The following FGGY variants were observed in gnomAD, a reference collection of about 807,000 sequenced individuals.
The protein encoded by FGGY is FGGY carbohydrate kinase domain containing, also known as FGGY carbohydrate kinase domain-containing protein.
A neutral mutation model predicts 71.3 loss-of-function variants in FGGY; 72 were observed. That is an observed-to-expected ratio of 1.01 (90% CI 0.84 to 1.23). The LOEUF is 1.23. Ranked by LOEUF, FGGY falls within the 50% of genes most tolerant of loss-of-function variation. FGGY has a pLI of 0.00. For synonymous variants in FGGY, 251 were observed against 250.3 expected, an observed-to-expected ratio of 1.00 and a Z score of -0.02; for missense variants, 668 against 682.3, an observed-to-expected ratio of 0.98 and a Z score of 0.23.
intron 6 of FGGY, among the ~76,000 whole-genome samples, chr1:59,488,683 A>G (rs2093731503): frequency 6.6e-6 from 1 of 151,712 alleles, no homozygotes; most frequent in African/African-American, 2.4e-5. Flanking sequence ...ACAGCTTTTA[A>G]TTTACTGTGT....
chr1:59,655,437 C>A (rs1457447362), intron 11 of FGGY, among the ~76,000 whole-genome samples: 1 of 151,864 alleles, frequency 6.6e-6, no homozygotes, highest in East Asian at 1.9e-4. Flanking sequence ...TCCACCCCAC[C>A]CCACCACAGG....
intron 14 of FGGY, among the ~76,000 whole-genome samples, chr1:59,744,619 T>C (rs2098179612): frequency 6.6e-6 from 1 of 152,374 alleles, no homozygotes; most frequent in African/African-American, 2.4e-5. Context: ...CAATGAAGAA[T>C]GTGTTGACCT....
chr1:59,659,353 A>G (rs140352151), intron 11 of FGGY, among the ~76,000 whole-genome samples: 1 of 152,278 alleles, frequency 6.6e-6, no homozygotes, highest in East Asian at 1.9e-4. Flanking sequence ...TAGGTAGACC[A>G]CTCAGCTCCC....
intron 7 of FGGY, among the ~76,000 whole-genome samples, chr1:59,553,611 A>T (rs1238973438): frequency 6.6e-6 from 1 of 152,228 alleles, no homozygotes; most frequent in Non-Finnish European, 1.5e-5. Context: ...TTCAGTCATC[A>T]GACCATCCTT....
rs575079924 is a variant in FGGY, at chr1:59,380,572, C to G, written c.554+1735C>G. On this transcript the variant is annotated intron_variant, in intron 5 of 15. Transcript: ENST00000303721. ...TGATGATGAGCATTTTTTCATGTGTCTTCTGGCTGCATAAATGTCTTCTTT... is the reference window on the plus strand; with the variant it reads ...TGATGATGAGCATTTTTTCATGTGTGTTCTGGCTGCATAAATGTCTTCTTT... Among the ~76,000 whole-genome samples the G allele has an allele frequency of 2.9e-3, 444 of 151,712 alleles. 3 individuals carry two copies. The highest frequency in any genetic ancestry group is 4.6e-3 in the Non-Finnish European group (310 of 68,020).
intron 7 of FGGY, among the ~76,000 whole-genome samples, chr1:59,543,950 C>T (rs2095484090): frequency 6.6e-6 from 1 of 152,230 alleles, no homozygotes; most frequent in Non-Finnish European, 1.5e-5. Flanking sequence ...AGAAATTGTA[C>T]ACTAACATTT....
At chr1:59,646,553 T>C (rs935828051) in intron 11 of FGGY, among the ~76,000 whole-genome samples, 5 of 150,714 alleles carry the variant, frequency 3.3e-5, no homozygotes, top group African/African-American at 1.2e-4. Context: ...TTAAAATATG[T>C]ATTTTACTGA....
At chr1:59,676,514 A>G (rs543831471) in intron 14 of FGGY, among the ~76,000 whole-genome samples, 4 of 151,624 alleles carry the variant, frequency 2.6e-5, no homozygotes, top group Admixed American at 2.6e-4. Flanking sequence ...ACCATGACTC[A>G]TGGCTTCATT....
chr1:59,626,342 T>A, intron 10 of FGGY: 1 of 310,910 alleles, frequency 3.2e-6, no homozygotes, highest in Non-Finnish European at 5.9e-6. Flanking sequence ...TAGTTTCACA[T>A]CCCAGCCATA....
At chr1:59,741,880 A>G (rs1346681150) in intron 14 of FGGY, among the ~76,000 whole-genome samples, 1 of 149,512 alleles carries the variant, frequency 6.7e-6, no homozygotes, top group East Asian at 2.0e-4. Flanking sequence ...CAGAGCTTGC[A>G]GTGAGCCAAG....
chr1:59,425,960 T>A (rs182557762), intron 5 of FGGY, among the ~76,000 whole-genome samples: 3 of 152,330 alleles, frequency 2.0e-5, no homozygotes, highest in East Asian at 3.9e-4. Context: ...TATTTTTTTT[T>A]AATTTTTGAA....
chr1:59,718,808 G>A lies in FGGY; in HGVS notation c.1513-39123G>A, dbSNP rs374974859. 7.9e-4 allele frequency among the ~76,000 whole-genome samples: 120 copies of A among 152,294 alleles called. 4 individuals carry two copies. The South Asian group carries it at 0.024, about 30-fold the overall frequency. On this transcript the variant is annotated intron_variant, in intron 14 of 15. Coordinates refer to ENST00000303721, the MANE Select transcript of FGGY (RefSeq NM_018291.5). The stretch of plus-strand genomic sequence containing the variant: ...CTACAAAGGCCCCTTGCCAAGCGTG[G>A]TATTGCTTGCAGCCTGTCTGAGGCT...
chr1:59,736,946 G>A (rs1031468535), intron 14 of FGGY, among the ~76,000 whole-genome samples: 1 of 152,208 alleles, frequency 6.6e-6, no homozygotes, highest in Non-Finnish European at 1.5e-5. Flanking sequence ...AAGTGGTTTT[G>A]TAGGCAGGGC....
chr1:59,465,795 C>G (rs1237880193), intron 6 of FGGY, among the ~76,000 whole-genome samples: 1 of 152,148 alleles, frequency 6.6e-6, no homozygotes, highest in Non-Finnish European at 1.5e-5. Context: ...ATCCAACTTA[C>G]AAAGGATGTG....
chr1:59,533,095 G>T (rs916275917), intron 7 of FGGY, among the ~76,000 whole-genome samples: 2 of 152,044 alleles, frequency 1.3e-5, no homozygotes, highest in African/African-American at 2.4e-5. Flanking sequence ...TCTGAGGTAC[G>T]GGGTTCATCT....
intron 5 of FGGY, among the ~76,000 whole-genome samples, chr1:59,423,494 T>C (rs2153448323): frequency 6.6e-6 from 1 of 152,310 alleles, no homozygotes; most frequent in South Asian, 2.1e-4. Context: ...ACCTGGTATA[T>C]TACAACAGCC....
At chr1:59,497,670 C>T (rs2094084470) in intron 6 of FGGY, among the ~76,000 whole-genome samples, 1 of 152,200 alleles carries the variant, frequency 6.6e-6, no homozygotes, top group Non-Finnish European at 1.5e-5. Context: ...CATTTCTGTT[C>T]AGCCGTAGGC....
chr1:59,472,651 G>T (rs528069744), intron 6 of FGGY, among the ~76,000 whole-genome samples: 3 of 151,948 alleles, frequency 2.0e-5, no homozygotes, highest in African/African-American at 7.2e-5. Flanking sequence ...CACACCAATC[G>T]GCACCCTGTG....
intron 5 of FGGY, among the ~76,000 whole-genome samples, chr1:59,438,492 A>C (rs2069010110): frequency 1.3e-5 from 2 of 152,202 alleles, no homozygotes; most frequent in African/African-American, 4.8e-5. Flanking sequence ...GTGCTTTGGA[A>C]AAAATTTTCA....
Sources: gnomAD v4.1 joint callset for allele counts (sites outside exome capture counted in the v4.1 genomes callset) on GRCh38, gnomAD v4.1.1 for gene constraint, MANE v1.5 for transcripts, NCBI Gene and HGNC (gene_info 2026-07-23, HGNC 2026-07-21) for gene names.